The following PIANP variants were observed in gnomAD, a reference collection of about 807,000 sequenced individuals.
PIANP encodes the protein PILR alpha-associated neural protein.
In PIANP, 14 loss-of-function variants were observed where a neutral mutation model predicts 28.9. That is an observed-to-expected ratio of 0.49 (90% CI 0.32 to 0.76). PIANP has a LOEUF of 0.76. Ranked by LOEUF, PIANP falls within the 30% of genes least tolerant of loss-of-function variation. PIANP has a pLI of 0.03. For synonymous variants in PIANP, 149 were observed against 156.6 expected, an observed-to-expected ratio of 0.95 and a Z score of 0.36; for missense variants, 322 against 371.8, an observed-to-expected ratio of 0.87 and a Z score of 1.10.
rs942951439 is a variant in PIANP, at chr12:6,697,186, AT to A, written c.523+100del. The A allele has an allele frequency of 2.2e-5, 33 of 1,501,076 alleles. No individual in the cohort carries two copies. The Admixed American group carries it at 4.6e-4, about 21-fold the overall frequency. The allele number at this position is 1,501,076 out of a possible 1,614,324, so 93.0% of individuals were successfully genotyped here. On this transcript the variant is annotated intron_variant, in intron 3 of 4. Transcript: ENST00000534837. This position sits in a 1 kb window ranked among gnomAD's most constrained non-coding sequence, Gnocchi z 6.9. Reference sequence around the variant, plus strand: ...CCTGTGCCAGTATAGTGCCTGACACATTTGTTGAAGGAGCTAACAGACAAGG... The same window carrying A: ...CCTGTGCCAGTATAGTGCCTGACACATTGTTGAAGGAGCTAACAGACAAGG...
Position 6,695,636 on chromosome 12 carries a change from C to A in PIANP, c.621G>T (p.Gln207His). Residue 207 changes from glutamine (Q) to histidine (H), a missense_variant, in exon 5 of 5, where the codon CAG becomes CAT. Physicochemically the swap from Gln to His is conservative, Grantham distance 24 (BLOSUM62 0). Coordinates refer to ENST00000534837, the MANE Select transcript of PIANP (RefSeq NM_001244014.2). This position sits in a 1 kb window ranked among gnomAD's most constrained non-coding sequence, Gnocchi z 4.2. ...GCTGCCCTGAGGGTCTGCGTCGCTTCTGGCTGCGGTCCCAGCTGGGGTACC... is the reference window on the plus strand; with the variant it reads ...GCTGCCCTGAGGGTCTGCGTCGCTTATGGCTGCGGTCCCAGCTGGGGTACC... ...IIFKFCWDRSQKRRRPSGQQG... is the reference protein window; with the variant it reads ...IIFKFCWDRSHKRRRPSGQQG... 6.5e-7 allele frequency: 1 copy of A among 1,529,686 alleles called. No homozygotes were observed. 94.8% of individuals were successfully genotyped at this position (1,529,686 alleles called of 1,614,324 possible).
At position 6,694,215 on chromosome 12, in the gene PIANP, CAGACA is replaced by C. The variant is rs1006270736; in HGVS notation, c.*1206_*1210del. The C allele has an allele frequency of 1.3e-5, 2 of 153,560 alleles. No individual in the cohort carries two copies. Among genetic ancestry groups the C allele is most frequent in the Admixed American group, 1.3e-4 (2 of 15,276 alleles). 9.5% of individuals were successfully genotyped at this position (153,560 alleles called of 1,614,324 possible). ...ATGGCACACACACAGACAGCCAGGA[CAGACA>C]AGACAAAAGGGACTGTAGGAGAAAG... On this transcript the variant is annotated 3_prime_UTR_variant, in exon 5 of 5. Transcript: ENST00000534837. This position sits in a 1 kb window ranked among gnomAD's most constrained non-coding sequence, Gnocchi z 6.1.
At chr12:6,698,295 C>T in intron 1 of PIANP, 191 bp from the exon 2 acceptor site, 2 of 611,964 alleles carry the variant, frequency 3.3e-6, no homozygotes, top group South Asian at 1.9e-5. Flanking sequence ...TGACCAGACT[C>T]CAGCCCCATC....
Position 6,697,943 on chromosome 12 carries a change from G to T in PIANP, c.17+102C>A. On this transcript the variant is annotated intron_variant, in intron 2 of 4. Transcript: ENST00000534837. This position sits in a 1 kb window ranked among gnomAD's most constrained non-coding sequence, Gnocchi z 6.9. Reference sequence around the variant, plus strand: ...CCTCATTTCCCATCTTCCAAAGGAGGATGGCCCTCAGGATGGGAAGGCTCT... The same window carrying T: ...CCTCATTTCCCATCTTCCAAAGGAGTATGGCCCTCAGGATGGGAAGGCTCT... The T allele has an allele frequency of 1.3e-6, 2 of 1,521,500 alleles. No homozygotes were observed. The highest frequency in any genetic ancestry group is 1.8e-6 in the Non-Finnish European group (2 of 1,122,336). The allele number at this position is 1,521,500 out of a possible 1,614,324, so 94.2% of individuals were successfully genotyped here.
chr12:6,697,643 C>T lies in PIANP; in HGVS notation c.167G>A (p.Arg56His), dbSNP rs1592449829. Reference sequence around the variant, plus strand: ...TGCTCGCTCCCACACGCACACATGACGTGGGGCCGAGGGGCCTCCCCTGGC... The same window carrying T: ...TGCTCGCTCCCACACGCACACATGATGTGGGGCCGAGGGGCCTCCCCTGGC... ...PCARGGPSAP[R>H]HVCVWERAPP... Residue 56 changes from arginine to histidine, a missense_variant, in exon 3 of 5, where the codon CGT becomes CAT. Physicochemically the swap from Arg to His is conservative, Grantham distance 29. Coordinates refer to ENST00000534837, the MANE Select transcript of PIANP (RefSeq NM_001244014.2). This position sits in a 1 kb window ranked among gnomAD's most constrained non-coding sequence, Gnocchi z 6.9. 3 of 1,530,454 alleles carry T rather than the reference C, an allele frequency of 2.0e-6. No homozygotes were observed. Among genetic ancestry groups the T allele is most frequent in the Non-Finnish European group, 1.8e-6 (2 of 1,136,546 alleles). 94.8% of individuals were successfully genotyped at this position (1,530,454 alleles called of 1,614,324 possible).
intron 1 of PIANP, chr12:6,698,336 A>C (rs1592450594): frequency 1.8e-6 from 1 of 562,870 alleles, no homozygotes; most frequent in Non-Finnish European, 3.2e-6. Context: ...TTACCTCTCC[A>C]CCCCAGGGTC....
downstream of PIANP, among the ~76,000 whole-genome samples, chr12:6,693,263 G>A (rs1442775864): frequency 3.3e-5 from 5 of 151,868 alleles, no homozygotes; most frequent in Admixed American, 1.3e-4. Context: ...GAAAGCTAAC[G>A]AGTTAACCAC....
Position 6,695,270 on chromosome 12 carries a change from T to A in PIANP, c.*156A>T. On this transcript the variant is annotated 3_prime_UTR_variant, in exon 5 of 5. Coordinates refer to ENST00000534837, the MANE Select transcript of PIANP (RefSeq NM_001244014.2). This position sits in a 1 kb window ranked among gnomAD's most constrained non-coding sequence, Gnocchi z 4.2. ...AGAGACTGGGAGAAGGAAGGGTGCC[T>A]CCCAGAGAGGAGCTGGTCCAGCCCC... The A allele has an allele frequency of 7.1e-7, 1 of 1,399,628 alleles. No homozygotes were observed. Among genetic ancestry groups the A allele is most frequent in the Non-Finnish European group, 9.3e-7 (1 of 1,070,550 alleles). The allele number at this position is 1,399,628 out of a possible 1,614,324, so 86.7% of individuals were successfully genotyped here.
At position 6,700,456 on chromosome 12, in the gene PIANP, G is replaced by A. The variant is rs1224497431; in HGVS notation, c.-44+158C>T. 1 of 152,296 alleles carries A rather than the reference G, an allele frequency of 6.6e-6. No individual in the cohort carries two copies. Among genetic ancestry groups the A allele is most frequent in the Non-Finnish European group, 1.5e-5 (1 of 68,160 alleles). The allele number at this position is 152,296 out of a possible 1,614,324, so 9.4% of individuals were successfully genotyped here. A position where few individuals can be genotyped will look rare whatever the true frequency, so the allele number is the denominator to read the frequency against. The stretch of plus-strand genomic sequence containing the variant: ...GGCGGGAGCGAGCCAGGACCGCGGA[G>A]GGATGGAGAGCCCTTCGGGGAAGGG... On this transcript the variant is annotated intron_variant, in intron 1 of 4. Coordinates refer to ENST00000534837, the MANE Select transcript of PIANP (RefSeq NM_001244014.2). The surrounding 1 kb of genome is among the most constrained non-coding windows in gnomAD (Gnocchi z 5.5).
Position 6,695,602 on chromosome 12 carries a change from G to C in PIANP, c.655C>G (p.Leu219Val), listed in dbSNP as rs776947992. The change falls in exon 5 of 5, where the codon CTG becomes GTG. Residue 219 changes from leucine (L) to valine (V), a missense_variant. Transcript: ENST00000534837. The surrounding 1 kb of genome is among the most constrained non-coding windows in gnomAD (Gnocchi z 4.2). ...RRRPSGQQGA[L>V]RQEESQQPLT... is the part of the protein sequence containing the mutation. ...GGCTGCTGGCTCTCCTCCTGCCTCA[G>C]GGCACCTTGCTGCCCTGAGGGTCTG... 4 of 1,585,712 alleles carry C rather than the reference G, an allele frequency of 2.5e-6. No homozygotes were observed. Among genetic ancestry groups the C allele is most frequent in the Non-Finnish European group, 3.4e-6 (4 of 1,165,110 alleles).
Position 6,695,025 on chromosome 12 carries a change from C to T in PIANP, c.*401G>A. 6.4e-7 allele frequency: 1 copy of T among 1,562,250 alleles called. No homozygotes were observed. Among genetic ancestry groups the T allele is most frequent in the Non-Finnish European group, 8.7e-7 (1 of 1,152,856 alleles). ...GGCCTCCTGCTTGGCTGCACCCCAA[C>T]ATTGGGGGCATCACAGATTCACCAG... On this transcript the variant is annotated 3_prime_UTR_variant, in exon 5 of 5. Transcript: ENST00000534837. The surrounding 1 kb of genome is among the most constrained non-coding windows in gnomAD (Gnocchi z 4.2).
intron 1 of PIANP, chr12:6,698,362 G>T: frequency 1.9e-6 from 1 of 519,282 alleles, no homozygotes; most frequent in Non-Finnish European, 3.5e-6. Context: ...TGGCTTCTCT[G>T]ATTTCCCTTC....
In PIANP at chr12:6,694,841, G is replaced by T; in HGVS notation, c.*585C>A. The T allele has an allele frequency of 3.2e-6, 2 of 620,500 alleles. No homozygotes were observed. The highest frequency in any genetic ancestry group is 5.8e-5 in the East Asian group (2 of 34,442). 38.4% of individuals were successfully genotyped at this position (620,500 alleles called of 1,614,324 possible). On this transcript the variant is annotated 3_prime_UTR_variant, in exon 5 of 5. Transcript: ENST00000534837. This position sits in a 1 kb window ranked among gnomAD's most constrained non-coding sequence, Gnocchi z 6.1. ...GACAGGGACCCGAAGTCACAGATAT[G>T]TGAGGCCCCCACCTGCAGGAGGGCG...
rs1045455152 is a variant in PIANP, at chr12:6,698,038, A to C, written c.17+7T>G. 1.9e-6 allele frequency: 3 copies of C among 1,560,740 alleles called. No individual in the cohort carries two copies. The highest frequency in any genetic ancestry group is 2.6e-6 in the Non-Finnish European group (3 of 1,151,274). On this transcript the variant is annotated splice_region_variant and intron_variant, in intron 2 of 4. Transcript: ENST00000534837. ...TCTCCAGGCTCCCTCTGCTGGGCCAAACTTACCACATCCTGGACTCCATGT... is the reference window on the plus strand; with the variant it reads ...TCTCCAGGCTCCCTCTGCTGGGCCACACTTACCACATCCTGGACTCCATGT...
At chr12:6,699,680 G>C (rs574078056) in intron 1 of PIANP, among the ~76,000 whole-genome samples, 26 of 151,964 alleles carry the variant, frequency 1.7e-4, no homozygotes, top group Non-Finnish European at 3.2e-4. Flanking sequence ...GGGAGAAAAG[G>C]GGGGAAAGCC....
chr12:6,698,850 AG>A (rs908435080), intron 1 of PIANP, among the ~76,000 whole-genome samples: 46 of 152,298 alleles, frequency 3.0e-4, no homozygotes, highest in African/African-American at 1.1e-3. Flanking sequence ...TGAAAGAGAA[AG>A]GGTGTGTTCT....
rs1389014449 is a variant in PIANP at position 6,693,836 on chromosome 12, C to T, written c.*1590G>A. The T allele has an allele frequency of 2.0e-5, 3 of 152,594 alleles. No homozygotes were observed. The highest frequency in any genetic ancestry group is 4.4e-5 in the Non-Finnish European group (3 of 68,078). 9.5% of individuals were successfully genotyped at this position (152,594 alleles called of 1,614,324 possible). A position where few individuals can be genotyped will look rare whatever the true frequency, so the allele number is the denominator to read the frequency against. On this transcript the variant is annotated 3_prime_UTR_variant, in exon 5 of 5. Coordinates refer to ENST00000534837, the MANE Select transcript of PIANP (RefSeq NM_001244014.2). ...TGAAAATTTTGAAACTTACATCCCA[C>T]AGTAATTCAAGATGATCACCACAAG... is the stretch of plus-strand genomic sequence containing the variant.
At position 6,695,202 on chromosome 12, in the gene PIANP, A is replaced by T; in HGVS notation, c.*224T>A. ...GGCATGAGAAAAAACCAAAGAGGGC[A>T]GAGTTGGAGTTATGGGCAGCAGAGA... On this transcript the variant is annotated 3_prime_UTR_variant, in exon 5 of 5. Transcript: ENST00000534837. The surrounding 1 kb of genome is among the most constrained non-coding windows in gnomAD (Gnocchi z 4.2). The T allele has an allele frequency of 2.1e-6, 3 of 1,453,048 alleles. No homozygotes were observed. The highest frequency in any genetic ancestry group is 2.7e-6 in the Non-Finnish European group (3 of 1,095,908). The allele number at this position is 1,453,048 out of a possible 1,614,324, so 90.0% of individuals were successfully genotyped here.
chr12:6,695,128 C>T lies in PIANP; in HGVS notation c.*298G>A, dbSNP rs1253943202. 5 of 1,525,016 alleles carry T rather than the reference C, an allele frequency of 3.3e-6. No homozygotes were observed. The East Asian group carries it at 7.3e-5, about 22-fold the overall frequency. The allele number at this position is 1,525,016 out of a possible 1,614,324, so 94.5% of individuals were successfully genotyped here. On this transcript the variant is annotated 3_prime_UTR_variant, in exon 5 of 5. Transcript: ENST00000534837. The surrounding 1 kb of genome is among the most constrained non-coding windows in gnomAD (Gnocchi z 4.2). Reference sequence around the variant, plus strand: ...CCAGAATAGAAGGGGAAGTTCAAGACAAAGAGGGGGAATCAAGGTTAAGAG... The same window carrying T: ...CCAGAATAGAAGGGGAAGTTCAAGATAAAGAGGGGGAATCAAGGTTAAGAG...
Sources: allele counts gnomAD v4.1 joint callset (sites outside exome capture counted in the v4.1 genomes callset), GRCh38; gene constraint gnomAD v4.1.1; non-coding constraint Gnocchi (gnomAD v3.1); transcripts MANE v1.5; gene names NCBI Gene and HGNC (gene_info 2026-07-23, HGNC 2026-07-21).